MAGI2: variants seen among roughly 807,000 people sequenced by gnomAD.
MAGI2 encodes the protein membrane associated guanylate kinase, WW and PDZ domain containing 2.
In MAGI2, 35 loss-of-function variants were observed where a neutral mutation model predicts 133.3. That is an observed-to-expected ratio of 0.26 (90% confidence interval 0.20 to 0.35). The LOEUF is 0.35. MAGI2 is among the 10% of genes least tolerant of loss of function. The pLI is 1.00. For synonymous variants in MAGI2, 729 were observed against 710.6 expected, an observed-to-expected ratio of 1.03 and a Z score of -0.41; for missense variants, 1,636 against 1,863.4, an observed-to-expected ratio of 0.88 and a Z score of 2.25.
At chr7:78,224,367 A>G (rs1789140643) in intron 10 of MAGI2, among the ~76,000 whole-genome samples, 1 of 152,186 alleles carries the variant, frequency 6.6e-6, no homozygotes, top group Non-Finnish European at 1.5e-5. Context: ...ACAGTGAGTT[A>G]TAAGTGCTCT....
At chr7:78,792,472 C>A (rs777235580) in intron 2 of MAGI2, among the ~76,000 whole-genome samples, 5 of 152,260 alleles carry the variant, frequency 3.3e-5, no homozygotes, top group Admixed American at 2.0e-4. Context: ...AGGCAAGGAA[C>A]CTCAGGCTGG....
chr7:78,446,167 G>A (rs201806704), intron 6 of MAGI2, among the ~76,000 whole-genome samples: 2 of 14,418 alleles, frequency 1.4e-4, no homozygotes, highest in African/African-American at 2.1e-4. Flanking sequence ...TATTTTTTAT[G>A]ATGGTACTTT....
chr7:79,109,956 G>A (rs1025055213), intron 1 of MAGI2, among the ~76,000 whole-genome samples: 8 of 152,168 alleles, frequency 5.3e-5, no homozygotes, highest in African/African-American at 1.2e-4. Context: ...CAACTGCCCT[G>A]TGCCACCCTA....
At chr7:78,094,266 A>G (rs1187821222) in intron 20 of MAGI2, among the ~76,000 whole-genome samples, 2 of 152,118 alleles carry the variant, frequency 1.3e-5, no homozygotes, top group African/African-American at 4.8e-5. Flanking sequence ...TAATTCCTTG[A>G]GCGTATTTTC....
intron 3 of MAGI2, among the ~76,000 whole-genome samples, chr7:78,525,839 G>A (rs969699549): frequency 2.0e-5 from 3 of 152,134 alleles, no homozygotes; most frequent in South Asian, 4.1e-4. Context: ...GCTACAACGT[G>A]CTAACCTGCA....
intron 6 of MAGI2, among the ~76,000 whole-genome samples, chr7:78,374,385 T>C (rs1389629708): frequency 6.6e-6 from 1 of 152,144 alleles, no homozygotes; most frequent in Non-Finnish European, 1.5e-5. Flanking sequence ...TGATCATGTC[T>C]TTTGCCCATT....
intron 2 of MAGI2, among the ~76,000 whole-genome samples, chr7:78,775,002 C>T (rs1386945416): frequency 6.6e-6 from 1 of 152,078 alleles, no homozygotes; most frequent in Non-Finnish European, 1.5e-5. Flanking sequence ...GAACTCCACA[C>T]TTACATATAT....
At chr7:79,390,572 C>T (rs1040880273) in intron 1 of MAGI2, among the ~76,000 whole-genome samples, 2 of 152,010 alleles carry the variant, frequency 1.3e-5, no homozygotes, top group Non-Finnish European at 1.5e-5. Flanking sequence ...AAGAGATGGT[C>T]AGGAAAAGGT....
At chr7:78,329,482 T>C (rs953287064) in intron 9 of MAGI2, among the ~76,000 whole-genome samples, 2 of 152,236 alleles carry the variant, frequency 1.3e-5, no homozygotes, top group Admixed American at 6.5e-5. Flanking sequence ...CATATGTGCA[T>C]ATATATACAA....
At chr7:78,441,621 T>A (rs1173076698) in intron 6 of MAGI2, among the ~76,000 whole-genome samples, 1 of 149,682 alleles carries the variant, frequency 6.7e-6, no homozygotes, top group Non-Finnish European at 1.5e-5. Flanking sequence ...GTTAACCCAG[T>A]CATGGAATTC....
chr7:78,258,502 A>G (rs904797074), intron 9 of MAGI2, among the ~76,000 whole-genome samples: 9 of 152,066 alleles, frequency 5.9e-5, no homozygotes, highest in Admixed American at 6.6e-5. Flanking sequence ...CCTCTCCCCC[A>G]ACTTGCACTC....
intron 2 of MAGI2, among the ~76,000 whole-genome samples, chr7:78,937,272 A>T (rs2151670672): frequency 6.6e-6 from 1 of 152,258 alleles, no homozygotes; most frequent in Middle Eastern, 3.4e-3. Context: ...TGAAAAAAAG[A>T]AATCTGTTAG....
chr7:79,159,091 A>G (rs1402463275), intron 1 of MAGI2, among the ~76,000 whole-genome samples: 1 of 152,084 alleles, frequency 6.6e-6, no homozygotes, highest in African/African-American at 2.4e-5. Flanking sequence ...ATGTTGGTGA[A>G]GAAGATAAAA....
chr7:79,074,565 A>T (rs1216058504), intron 1 of MAGI2, among the ~76,000 whole-genome samples: 1 of 152,216 alleles, frequency 6.6e-6, no homozygotes, highest in Non-Finnish European at 1.5e-5. Context: ...GCAAAAATTG[A>T]TGTGTAAAGA....
At chr7:78,333,029 A>G (rs1247459271) in intron 9 of MAGI2, among the ~76,000 whole-genome samples, 1 of 152,248 alleles carries the variant, frequency 6.6e-6, no homozygotes, top group Non-Finnish European at 1.5e-5. Context: ...AGGCAAAATG[A>G]TGTTATGTCA....
intron 3 of MAGI2, among the ~76,000 whole-genome samples, chr7:78,550,765 T>TC (rs1799267334): frequency 6.6e-6 from 1 of 152,110 alleles, no homozygotes; most frequent in Non-Finnish European, 1.5e-5. Context: ...AGTTTTTTTT[T>TC]TTTTAACTCA....
chr7:78,232,347 T>C (rs886925335), intron 10 of MAGI2, among the ~76,000 whole-genome samples: 10 of 152,206 alleles, frequency 6.6e-5, no homozygotes, highest in Admixed American at 1.3e-4. Flanking sequence ...TTTAAAGCTG[T>C]AGTATAATTA....
At chr7:78,490,001 T>A in intron 5 of MAGI2, 161 bp from the exon 6 acceptor site, 1 of 518,952 alleles carries the variant, frequency 1.9e-6, no homozygotes, top group South Asian at 3.5e-5. Context: ...AGAGTAATTG[T>A]GCAAGGCAGC....
intron 1 of MAGI2, among the ~76,000 whole-genome samples, chr7:79,275,697 G>T (rs1234934307): frequency 6.6e-6 from 1 of 152,098 alleles, no homozygotes; most frequent in Non-Finnish European, 1.5e-5. Context: ...AGCATCACAG[G>T]ACAGGCTGAC....
Sources: allele counts gnomAD v4.1 joint callset (sites outside exome capture counted in the v4.1 genomes callset), GRCh38; gene constraint gnomAD v4.1.1; transcripts MANE v1.5; gene names NCBI Gene and HGNC (gene_info 2026-07-23, HGNC 2026-07-21).